The following C8orf34 variants were observed in gnomAD, a reference collection of about 807,000 sequenced individuals.
C8orf34 encodes uncharacterized protein C8orf34.
In C8orf34, 65 loss-of-function variants were observed where a neutral mutation model predicts 68.3. The ratio of observed to expected loss-of-function variants is 0.95; its 90% CI spans 0.78 to 1.17. The LOEUF (loss-of-function observed/expected upper bound fraction) is 1.17, where lower values mean the gene tolerates loss of function less well. Among genes scored for constraint, C8orf34 ranks in the 50% most tolerant of loss-of-function variants. The probability of loss-of-function intolerance (pLI) is 0.00; values close to 1 mark genes in which losing one functional copy is unlikely to be tolerated. For synonymous variants in C8orf34, 244 were observed against 241.2 expected, an observed-to-expected ratio of 1.01 and a Z score of -0.11; for missense variants, 664 against 655.4, an observed-to-expected ratio of 1.01 and a Z score of -0.14.
chr8:68,613,446 C>G (rs1818087545), intron 7 of C8orf34, among the ~76,000 whole-genome samples: 1 of 150,484 alleles, frequency 6.6e-6, no homozygotes, highest in South Asian at 2.1e-4. Flanking sequence ...CTCCCCCTCC[C>G]CCCACACAAC....
At chr8:68,526,853 T>TA (rs1815017518) in intron 6 of C8orf34, among the ~76,000 whole-genome samples, 1 of 152,108 alleles carries the variant, frequency 6.6e-6, no homozygotes, top group Non-Finnish European at 1.5e-5. Flanking sequence ...AGCGTGAAAC[T>TA]AAACGGAGCA....
intron 1 of C8orf34, among the ~76,000 whole-genome samples, chr8:68,379,766 A>G (rs971125518): frequency 7.2e-5 from 11 of 152,226 alleles, no homozygotes; most frequent in African/African-American, 2.4e-4. Context: ...AGTCAGGATC[A>G]TGTCATTGTC....
intron 8 of C8orf34, among the ~76,000 whole-genome samples, chr8:68,674,741 A>G (rs1820126256): frequency 6.6e-6 from 1 of 152,122 alleles, no homozygotes; most frequent in Non-Finnish European, 1.5e-5. Context: ...GGATAATATC[A>G]GAGAACTTTT....
intron 7 of C8orf34, among the ~76,000 whole-genome samples, chr8:68,573,588 T>C (rs1315327134): frequency 1.3e-5 from 2 of 152,170 alleles, no homozygotes; most frequent in Non-Finnish European, 2.9e-5. Context: ...AGGCCTACTC[T>C]AGTTAAAAGT....
At chr8:68,695,931 C>T (rs1820819054) in intron 8 of C8orf34, among the ~76,000 whole-genome samples, 1 of 152,116 alleles carries the variant, frequency 6.6e-6, no homozygotes, top group South Asian at 2.1e-4. Context: ...TTGCTGCTTG[C>T]TCTTTCAGTT....
intron 3 of C8orf34, among the ~76,000 whole-genome samples, chr8:68,461,841 C>G (rs572320089): frequency 5.4e-4 from 82 of 152,268 alleles, no homozygotes; most frequent in African/African-American, 1.9e-3. Flanking sequence ...AAAATCATGC[C>G]AAATTGTAAA....
At chr8:68,335,835 A>T in intron 1 of C8orf34, among the ~76,000 whole-genome samples, 1 of 152,102 alleles carries the variant, frequency 6.6e-6, no homozygotes, top group Non-Finnish European at 1.5e-5. Context: ...GTCCCAGCAC[A>T]TTGGGAGGCT....
At chr8:68,787,362 T>A (rs779058732) in intron 11 of C8orf34, 81 bp from the exon 12 acceptor site, 12 of 866,150 alleles carry the variant, frequency 1.4e-5, no homozygotes, top group Non-Finnish European at 1.8e-5. Context: ...ATGCAGTTCA[T>A]AAAGATTGAA....
intron 8 of C8orf34, among the ~76,000 whole-genome samples, chr8:68,694,620 T>C (rs1351651141): frequency 6.6e-6 from 1 of 152,140 alleles, no homozygotes. Flanking sequence ...ATTTGTTTTC[T>C]CATTTTTATT....
chr8:68,790,413 A>C (rs1215000588), intron 12 of C8orf34, among the ~76,000 whole-genome samples: 1 of 152,196 alleles, frequency 6.6e-6, no homozygotes, highest in African/African-American at 2.4e-5. Flanking sequence ...AGGTAATTTT[A>C]TGGGATTGTC....
intron 7 of C8orf34, among the ~76,000 whole-genome samples, chr8:68,564,828 G>A (rs1019608663): frequency 2.0e-5 from 3 of 152,138 alleles, no homozygotes; most frequent in Non-Finnish European, 2.9e-5. Context: ...TTGTTCTTCT[G>A]AAGTGAGAGA....
intron 8 of C8orf34, among the ~76,000 whole-genome samples, chr8:68,687,259 A>C (rs1209279264): frequency 3.3e-5 from 5 of 152,072 alleles, no homozygotes; most frequent in Non-Finnish European, 5.9e-5. Flanking sequence ...TAGAATAAAA[A>C]ATCCTAAAAT....
At chr8:68,617,555 G>T (rs1230655840) in intron 7 of C8orf34, among the ~76,000 whole-genome samples, 2 of 152,112 alleles carry the variant, frequency 1.3e-5, no homozygotes, top group African/African-American at 2.4e-5. Flanking sequence ...GCTTAGTTTG[G>T]CTGGATATGA....
intron 9 of C8orf34, among the ~76,000 whole-genome samples, chr8:68,714,240 G>C (rs1439025243): frequency 2.6e-5 from 4 of 152,136 alleles, no homozygotes; most frequent in African/African-American, 9.7e-5. Flanking sequence ...AGACAAAGAT[G>C]CCTACTTTCA....
At chr8:68,721,551 G>A in intron 10 of C8orf34, 114 bp downstream of exon 10, 1 of 682,410 alleles carries the variant, frequency 1.5e-6, no homozygotes, top group Middle Eastern at 4.4e-4. Flanking sequence ...TAATTAGGCT[G>A]TTCTAAGTTG....
chr8:68,602,869 C>A (rs1817739568), intron 7 of C8orf34, among the ~76,000 whole-genome samples: 1 of 151,960 alleles, frequency 6.6e-6, no homozygotes, highest in East Asian at 1.9e-4. Context: ...GCAGGTATTG[C>A]CCCCCATGTT....
chr8:68,612,501 C>T lies in C8orf34; in HGVS notation c.1106-27875C>T, dbSNP rs1818052579. Among the ~76,000 whole-genome samples, 4 of 152,040 alleles carry T rather than the reference C, an allele frequency of 2.6e-5. No homozygotes were observed. The South Asian group carries it at 8.3e-4, about 31-fold the overall frequency. ...TATCTTGCCCCGGCTCAAGAAAAAC[C>T]TTTTGATTGATTATTTCAAACTATA... On this transcript the variant is annotated intron_variant, in intron 7 of 13. Transcript: ENST00000518698.
chr8:68,446,221 A>C, intron 2 of C8orf34, 108 bp from the exon 3 acceptor site: 1 of 820,808 alleles, frequency 1.2e-6, no homozygotes, highest in East Asian at 2.5e-5. Flanking sequence ...TTTTGATATG[A>C]GGTGACCTAT....
intron 1 of C8orf34, among the ~76,000 whole-genome samples, chr8:68,434,058 A>G (rs1217903327): frequency 6.6e-6 from 1 of 152,200 alleles, no homozygotes; most frequent in East Asian, 1.9e-4. Flanking sequence ...CAATAATTAC[A>G]TAATGATTTA....
Sources: gnomAD v4.1 joint callset for allele counts (sites outside exome capture counted in the v4.1 genomes callset) on GRCh38, gnomAD v4.1.1 for gene constraint, MANE v1.5 for transcripts, NCBI Gene and HGNC (gene_info 2026-07-23, HGNC 2026-07-21) for gene names.